Variants in MRC1 observed in about 807,000 individuals in gnomAD.
MRC1 encodes mannose receptor C-type 1, also known as macrophage mannose receptor 1.
In MRC1, 62 loss-of-function variants were observed where a neutral mutation model predicts 102.9. That is an observed-to-expected ratio of 0.60 (90% CI 0.49 to 0.74). The LOEUF is 0.74. Among genes scored for constraint, MRC1 ranks in the 30% least tolerant of loss-of-function variants. The probability of loss-of-function intolerance (pLI) is 0.00; values close to 1 mark genes in which losing one functional copy is unlikely to be tolerated. For synonymous variants in MRC1, 457 were observed against 298.4 expected (o/e 1.53, Z -5.48); for missense variants, 1,237 against 862.8 (o/e 1.43, Z -5.43).
At chr10:17,902,803 G>C (rs1043453569) in intron 26 of MRC1, among the ~76,000 whole-genome samples, 3 of 152,102 alleles carry the variant, frequency 2.0e-5, no homozygotes, top group Admixed American at 1.3e-4. Context: ...GTTTGCTTTA[G>C]CTTTGTACAG....
intron 23 of MRC1, among the ~76,000 whole-genome samples, chr10:17,895,330 G>A (rs1704374264): frequency 6.6e-6 from 1 of 151,062 alleles, no homozygotes; most frequent in Admixed American, 6.6e-5. Context: ...GACAAAAAGG[G>A]TAATGTTTTC....
rs149051732 is a variant in MRC1, at chr10:17,849,585, A to T, written c.1070A>T (p.Asp357Val). The change falls in exon 7 of 30, where the codon GAT (aspartate) becomes GTT (valine). Residue 357 changes from aspartate (D) to valine (V), a missense_variant. Physicochemically the swap from Asp to Val is radical, Grantham distance 152. Coordinates refer to ENST00000569591, the MANE Select transcript of MRC1 (RefSeq NM_002438.4). ...CCCCCCTTTTTGTTTCTAGAAAGTG[A>T]TGTGCCTACTCACTGTCCTAGTCAG... ...LNSFVIPSES[D>V]VPTHCPSQWW... 5.5e-5 allele frequency: 43 copies of T among 780,110 alleles called. No individual in the cohort carries two copies. The African/African-American group carries it at 6.9e-4, about 13-fold the overall frequency. The allele number at this position is 780,110 out of a possible 1,614,324, so 48.3% of individuals were successfully genotyped here.
At chr10:17,867,403 T>C (rs868951628) in intron 12 of MRC1, among the ~76,000 whole-genome samples, 1 of 143,082 alleles carries the variant, frequency 7.0e-6, no homozygotes, top group African/African-American at 2.8e-5. Flanking sequence ...TTCTCCTTCT[T>C]CTTCTTCTTT....
intron 23 of MRC1, among the ~76,000 whole-genome samples, 182 bp downstream of exon 23, chr10:17,894,494 G>A (rs1451454724): frequency 1.4e-5 from 2 of 144,014 alleles, no homozygotes; most frequent in Admixed American, 7.4e-5. Flanking sequence ...CCGCCTCCCA[G>A]GTTTAAGCAA....
intron 1 of MRC1, 40 bp downstream of exon 1, chr10:17,809,566 G>C: frequency 1.1e-6 from 1 of 870,470 alleles, no homozygotes. Context: ...GACCTGGGGG[G>C]CCGGAACCAC....
At chr10:17,887,701 C>T (rs913530895) in intron 22 of MRC1, among the ~76,000 whole-genome samples, 17 of 152,290 alleles carry the variant, frequency 1.1e-4, no homozygotes, top group Admixed American at 1.1e-3. Context: ...AACAACACTG[C>T]TCATTTTTGT....
At chr10:17,848,622 G>T (rs1219537506) in intron 6 of MRC1, among the ~76,000 whole-genome samples, 4 of 152,264 alleles carry the variant, frequency 2.6e-5, no homozygotes, top group Admixed American at 6.5e-5. Flanking sequence ...TTCTAGTTCA[G>T]AAGAACATGG....
chr10:17,902,740 C>T (rs928464951), intron 26 of MRC1, among the ~76,000 whole-genome samples: 3 of 152,268 alleles, frequency 2.0e-5, no homozygotes, highest in East Asian at 1.9e-4. Context: ...ATTTTCTCCA[C>T]GTTCTTTCAA....
At chr10:17,835,748 A>G (rs1838652939) in intron 4 of MRC1, among the ~76,000 whole-genome samples, 1 of 152,176 alleles carries the variant, frequency 6.6e-6, no homozygotes, top group South Asian at 2.1e-4. Context: ...GAAGACAGTA[A>G]ATGCAGTGGT....
intron 12 of MRC1, among the ~76,000 whole-genome samples, chr10:17,867,478 A>G (rs1833293431): frequency 6.6e-6 from 1 of 151,294 alleles, no homozygotes; most frequent in South Asian, 2.1e-4. Flanking sequence ...GCTGGAATAC[A>G]GTAATACAGT....
At chr10:17,864,990 C>A (rs1383987205) in intron 11 of MRC1, among the ~76,000 whole-genome samples, 3 of 152,152 alleles carry the variant, frequency 2.0e-5, no homozygotes, top group Non-Finnish European at 2.9e-5. Context: ...TTGATTTACC[C>A]TCCCTAGTAA....
At chr10:17,888,683 A>G (rs1226466599) in intron 22 of MRC1, among the ~76,000 whole-genome samples, 3 of 152,158 alleles carry the variant, frequency 2.0e-5, no homozygotes. Flanking sequence ...ATGGCTCAGA[A>G]TATGGTCTGT....
Position 17,833,833 on chromosome 10 carries a change from C to T in MRC1, c.796C>T (p.Leu266=). The T allele has an allele frequency of 1.3e-6, 1 of 780,976 alleles. No homozygotes were observed. The highest frequency in any genetic ancestry group is 1.3e-5 in the South Asian group (1 of 74,598). The allele number at this position is 780,976 out of a possible 1,614,324, so 48.4% of individuals were successfully genotyped here. A position where few individuals can be genotyped will look rare whatever the true frequency, so the allele number is the denominator to read the frequency against. The change falls in exon 4 of 30, where the codon CTG becomes TTG. Residue 266 remains leucine (L), a synonymous_variant. Coordinates refer to ENST00000569591, the MANE Select transcript of MRC1 (RefSeq NM_002438.4). ...SITEIHEQTY[L]TGLTSSLTSG... ...CACAGAGATTCATGAGCAAACATACCTGACAGGTAAGGACATGAAAAGTCT... is the reference window on the plus strand; with the variant it reads ...CACAGAGATTCATGAGCAAACATACTTGACAGGTAAGGACATGAAAAGTCT...
intron 23 of MRC1, among the ~76,000 whole-genome samples, chr10:17,897,820 T>C (rs1249637841): frequency 1.3e-5 from 2 of 152,224 alleles, no homozygotes; most frequent in African/African-American, 4.8e-5. Flanking sequence ...ATATTCTAAA[T>C]ATAGTTTGGA....
In MRC1 at chr10:17,828,327, C is replaced by CG. The variant is rs1451700557; in HGVS notation, c.637+613dup. On this transcript the variant is annotated intron_variant, in intron 3 of 29. Transcript: ENST00000569591. ...TGCTAACCTCGTGATCCGCCCACCT[C>CG]GCCTCCCAAAGTGTTGGGTTTACAG... Among the ~76,000 whole-genome samples the CG allele has an allele frequency of 6.6e-5, 10 of 151,584 alleles. 1 individual carries two copies. The highest frequency in any genetic ancestry group is 1.9e-4 in the East Asian group (1 of 5,180).
intron 29 of MRC1, 32 bp from the exon 30 acceptor site, chr10:17,910,183 A>G: frequency 1.3e-6 from 1 of 780,192 alleles, no homozygotes; most frequent in Non-Finnish European, 2.4e-6. Flanking sequence ...GCCTCCCTCC[A>G]CGTTTTCCAT....
At chr10:17,907,815 C>T (rs2130726107) in intron 28 of MRC1, 117 bp downstream of exon 28, 1 of 722,774 alleles carries the variant, frequency 1.4e-6, no homozygotes, top group Non-Finnish European at 2.5e-6. Flanking sequence ...TCTGTCCTTT[C>T]ATCCGTGAAA....
chr10:17,878,086 T>C lies in MRC1; in HGVS notation c.2618+119T>C. The C allele has an allele frequency of 1.3e-5, 9 of 679,704 alleles. No individual in the cohort carries two copies. In the South Asian group the frequency reaches 1.6e-4, roughly 12 times the overall value. 42.1% of individuals were successfully genotyped at this position (679,704 alleles called of 1,614,324 possible). A position where few individuals can be genotyped will look rare whatever the true frequency, so the allele number is the denominator to read the frequency against. On this transcript the variant is annotated intron_variant, in intron 18 of 29. Transcript: ENST00000569591. ...TTTAAAAATCCTACAGCATTCTCAA[T>C]TGAAAAAGCAACTTGAAAAAAGGAA...
intron 2 of MRC1, 128 bp from the exon 3 acceptor site, chr10:17,827,414 A>ACC: frequency 2.5e-6 from 1 of 398,354 alleles, no homozygotes; most frequent in Non-Finnish European, 4.8e-6. Context: ...AAAAAAAGAA[A>ACC]TCCCTCTGTG....
Sources: allele counts gnomAD v4.1 joint callset (sites outside exome capture counted in the v4.1 genomes callset), GRCh38; gene constraint gnomAD v4.1.1; transcripts MANE v1.5; gene names NCBI Gene and HGNC (gene_info 2026-07-23, HGNC 2026-07-21).